Variants in UBR2 observed in about 807,000 individuals in gnomAD.
The protein encoded by UBR2 is ubiquitin protein ligase E3 component n-recognin 2, also known as E3 ubiquitin-protein ligase UBR2.
UBR2 carries 92 observed loss-of-function variants against 247.9 expected under a neutral mutation model. That is an observed-to-expected ratio of 0.37 (90% confidence interval 0.31 to 0.44). The LOEUF is 0.44. UBR2 is among the 20% of genes least tolerant of loss of function. The pLI is 1.00. For missense variants in UBR2, 1,613 were observed against 2,112.6 expected, an observed-to-expected ratio of 0.76 and a Z score of 4.64; for synonymous variants, 672 against 693.5, an observed-to-expected ratio of 0.97 and a Z score of 0.49.
At chr6:42,637,421 A>T (rs1796164970) in intron 15 of UBR2, among the ~76,000 whole-genome samples, 1 of 152,204 alleles carries the variant, frequency 6.6e-6, no homozygotes, top group Admixed American at 6.5e-5. Flanking sequence ...GTCACACAAC[A>T]AGAAAGAATC....
At chr6:42,580,546 C>CTT (rs1791814368) in intron 2 of UBR2, among the ~76,000 whole-genome samples, 1 of 136,134 alleles carries the variant, frequency 7.3e-6, no homozygotes, top group African/African-American at 2.7e-5. Context: ...CTTAATTGTA[C>CTT]ATTTTTTTTT....
chr6:42,665,653 A>C, intron 33 of UBR2, 141 bp downstream of exon 33: 1 of 655,530 alleles, frequency 1.5e-6, no homozygotes, highest in South Asian at 2.1e-5. Context: ...TAATAAACTA[A>C]ATTTGACTTT....
rs1798102216 is a variant in UBR2, at chr6:42,666,255, T to C, written c.3881+10T>C. On this transcript the variant is annotated intron_variant, in intron 34 of 46. Transcript: ENST00000372901. ...CTGATTTTCGTCCTAAGTGAGTATA[T>C]TATTTTACTCCTTTAATATTTGACC... 6.3e-7 allele frequency: 1 copy of C among 1,589,908 alleles called. No homozygotes were observed. Among genetic ancestry groups the C allele is most frequent in the East Asian group, 2.2e-5 (1 of 44,686 alleles).
intron 17 of UBR2, 46 bp from the exon 18 acceptor site, chr6:42,642,370 G>T: frequency 7.3e-7 from 1 of 1,362,610 alleles, no homozygotes; most frequent in Non-Finnish European, 1.0e-6. Flanking sequence ...GAGAGAGCCT[G>T]AGCCAATAAA....
In UBR2 at chr6:42,663,377, C is replaced by T; in HGVS notation, c.3656C>T (p.Thr1219Ile). 1 of 1,612,436 alleles carries T rather than the reference C, an allele frequency of 6.2e-7. No homozygotes were observed. Among genetic ancestry groups the T allele is most frequent in the Non-Finnish European group, 8.5e-7 (1 of 1,179,410 alleles). ...CCCCTTTGTGAATGCTTGAGTAATA[C>T]TGTTATTCCTCTGCTGCTTCCTCCA... is the stretch of plus-strand genomic sequence containing the variant. ...LCPLCECLSN[T>I]VIPLLLPPRN... is the part of the protein sequence containing the mutation. The change falls in exon 32 of 47, where the codon ACT (threonine) becomes ATT (isoleucine). Residue 1219 changes from threonine (T) to isoleucine (I), a missense_variant. Coordinates refer to ENST00000372901, the MANE Select transcript of UBR2 (RefSeq NM_001363705.2).
chr6:42,565,885 A>T (rs1790751766), intron 1 of UBR2, among the ~76,000 whole-genome samples: 2 of 151,788 alleles, frequency 1.3e-5, no homozygotes, highest in Non-Finnish European at 1.5e-5. Context: ...AAACCTACTT[A>T]CTTGTTTAGC....
chr6:42,589,514 A>G (rs1792518119), intron 2 of UBR2, among the ~76,000 whole-genome samples: 3 of 152,220 alleles, frequency 2.0e-5, no homozygotes, highest in African/African-American at 2.4e-5. Context: ...CGCTGGCCTA[A>G]TAGAATGAGT....
At chr6:42,600,103 A>G (rs555358809) in intron 4 of UBR2, among the ~76,000 whole-genome samples, 2 of 152,320 alleles carry the variant, frequency 1.3e-5, no homozygotes, top group East Asian at 1.9e-4. Flanking sequence ...ATCCTCATTC[A>G]TACCTACATT....
chr6:42,686,594 G>A lies in UBR2; in HGVS notation c.4854-1622G>A, dbSNP rs1465127294. Among the ~76,000 whole-genome samples, 3 of 152,248 alleles carry A rather than the reference G, an allele frequency of 2.0e-5. No individual in the cohort carries two copies. The East Asian group carries it at 5.8e-4, about 29-fold the overall frequency. ...GCCTGTTGTCAATGAGCTGTTGGTTGCACCTCCCAGATGGGGTGGCGGCCA... is the reference window on the plus strand; with the variant it reads ...GCCTGTTGTCAATGAGCTGTTGGTTACACCTCCCAGATGGGGTGGCGGCCA... On this transcript the variant is annotated intron_variant, in intron 44 of 46. Transcript: ENST00000372901.
At chr6:42,581,635 G>C (rs900323475) in intron 2 of UBR2, among the ~76,000 whole-genome samples, 1 of 152,180 alleles carries the variant, frequency 6.6e-6, no homozygotes, top group Non-Finnish European at 1.5e-5. Context: ...CCTGGTTCTA[G>C]ATCTTATAAA....
intron 34 of UBR2, 70 bp downstream of exon 34, chr6:42,666,315 G>A: frequency 1.5e-6 from 2 of 1,377,494 alleles, no homozygotes; most frequent in Non-Finnish European, 2.0e-6. Context: ...GCAGTTAGGA[G>A]GAATATGATT....
Position 42,675,449 on chromosome 6 carries a change from A to G in UBR2, c.4252-607A>G, listed in dbSNP as rs990205055. ...AAAACCCATGTTTTTTCAACTGCCTACAGTCCTGGAGAGAGTTCAGATACT... is the reference window on the plus strand; with the variant it reads ...AAAACCCATGTTTTTTCAACTGCCTGCAGTCCTGGAGAGAGTTCAGATACT... On this transcript the variant is annotated intron_variant, in intron 38 of 46. Coordinates refer to ENST00000372901, the MANE Select transcript of UBR2 (RefSeq NM_001363705.2). 5.3e-5 allele frequency among the ~76,000 whole-genome samples: 8 copies of G among 152,290 alleles called. 1 individual carries two copies. In the Middle Eastern group the frequency reaches 0.017, roughly 324 times the overall value.
intron 4 of UBR2, among the ~76,000 whole-genome samples, chr6:42,594,952 A>G (rs769519091): frequency 3.3e-5 from 5 of 152,206 alleles, no homozygotes; most frequent in Non-Finnish European, 7.3e-5. Flanking sequence ...AACTGTAATT[A>G]TACAATGATT....
intron 39 of UBR2, among the ~76,000 whole-genome samples, chr6:42,676,561 A>T (rs1183803026): frequency 6.6e-6 from 1 of 152,144 alleles, no homozygotes; most frequent in East Asian, 1.9e-4. Flanking sequence ...ACACTTTAAG[A>T]CTATATTTAT....
At chr6:42,590,496 A>C (rs1687400749) in intron 2 of UBR2, among the ~76,000 whole-genome samples, 1 of 152,240 alleles carries the variant, frequency 6.6e-6, no homozygotes. Flanking sequence ...AAGTCATTGA[A>C]AGTGGGAAGA....
At chr6:42,606,693 T>C (rs1251260683) in intron 7 of UBR2, 42 bp downstream of exon 7, 1 of 1,493,868 alleles carries the variant, frequency 6.7e-7, no homozygotes. Flanking sequence ...TTTTATTAGT[T>C]TAAAACTAGC....
At chr6:42,620,697 C>T (rs954383423) in intron 11 of UBR2, among the ~76,000 whole-genome samples, 2 of 151,736 alleles carry the variant, frequency 1.3e-5, no homozygotes, top group African/African-American at 2.4e-5. Context: ...TCAAGTGATC[C>T]GCCTGCCTCA....
At chr6:42,630,835 A>G (rs776807850) in intron 11 of UBR2, among the ~76,000 whole-genome samples, 1 of 152,008 alleles carries the variant, frequency 6.6e-6, no homozygotes. Context: ...TTTTTAAGAC[A>G]GGGTCTCACT....
In UBR2 at chr6:42,674,106, A is replaced by C. The variant is rs1798587301; in HGVS notation, c.4184-20A>C. 1 of 1,608,010 alleles carries C rather than the reference A, an allele frequency of 6.2e-7. No homozygotes were observed. Among genetic ancestry groups the C allele is most frequent in the South Asian group, 1.1e-5 (1 of 90,128 alleles). On this transcript the variant is annotated intron_variant, in intron 37 of 46. Transcript: ENST00000372901. The stretch of plus-strand genomic sequence containing the variant: ...GTTGGCATATGAAATATGCTAATGT[A>C]TTTCTCTTTAAATCTGTAGCACTGG...
Sources: allele counts gnomAD v4.1 joint callset (sites outside exome capture counted in the v4.1 genomes callset), GRCh38; gene constraint gnomAD v4.1.1; transcripts MANE v1.5; gene names NCBI Gene and HGNC (gene_info 2026-07-23, HGNC 2026-07-21).